Variants in NISCH observed in about 807,000 individuals in gnomAD.
NISCH encodes the protein nischarin.
In NISCH, 55 loss-of-function variants were observed where a neutral mutation model predicts 138.4. The ratio of observed to expected loss-of-function variants is 0.40; its 90% CI spans 0.32 to 0.50. The LOEUF (loss-of-function observed/expected upper bound fraction) is 0.50. Among genes scored for constraint, NISCH ranks in the 20% least tolerant of loss-of-function variants. The pLI is 0.71. For synonymous variants in NISCH, 860 were observed against 861.5 expected (o/e 1.00, Z 0.03); for missense variants, 1,643 against 2,005.5 (o/e 0.82, Z 3.45).
chr3:52,473,205 G>A (rs991469305), intron 6 of NISCH, among the ~76,000 whole-genome samples: 1 of 152,230 alleles, frequency 6.6e-6, no homozygotes, highest in African/African-American at 2.4e-5. Context: ...TGCCGATTGA[G>A]GACAGGGAAG....
At position 52,468,669 on chromosome 3, in the gene NISCH, T is replaced by G. The variant is rs545833320; in HGVS notation, c.361-2190T>G. On this transcript the variant is annotated intron_variant, in intron 3 of 20. Transcript: ENST00000345716. ...CCTGCCGTGCCCCTCTCCTTGCCCT[T>G]TTCCATTCGGCCCTGCACCCTGCCG... Among the ~76,000 whole-genome samples, 9 of 152,206 alleles carry G rather than the reference T, an allele frequency of 5.9e-5. No homozygotes were observed. In the South Asian group the frequency reaches 1.7e-3, roughly 28 times the overall value.
rs939424929 is a variant in NISCH, at chr3:52,490,832, G to T, written c.3741G>T (p.Thr1247=). 1 of 1,613,946 alleles carries T rather than the reference G, an allele frequency of 6.2e-7. No homozygotes were observed. The highest frequency in any genetic ancestry group is 1.3e-5 in the African/African-American group (1 of 74,932). The change falls in exon 19 of 21, where the codon ACG becomes ACT. Residue 1247 remains threonine (T), a splice_region_variant and synonymous_variant. Coordinates refer to ENST00000345716, the MANE Select transcript of NISCH (RefSeq NM_007184.4). ...VGLFDQHFRL[T]GSTPMQVVTC... is the part of the protein sequence containing the mutation. ...TTTTCGACCAGCATTTCCGGCTGAC[G>T]GGTGGGTGACCCTCTGTGCTTTGTC...
chr3:52,463,399 ATGC>A (rs1706689835), intron 3 of NISCH, among the ~76,000 whole-genome samples: 1 of 152,230 alleles, frequency 6.6e-6, no homozygotes, highest in Admixed American at 6.5e-5. Context: ...ATTGCAAATG[ATGC>A]TGCTATGAGC....
chr3:52,456,290 A>G (rs1706467480), intron 1 of NISCH, among the ~76,000 whole-genome samples: 1 of 151,990 alleles, frequency 6.6e-6, no homozygotes, highest in Non-Finnish European at 1.5e-5. Flanking sequence ...TCGGGCGGAG[A>G]CAAGACCGGA....
At chr3:52,481,315 CA>C in intron 13 of NISCH, 4 of 1,013,442 alleles carry the variant, frequency 3.9e-6, no homozygotes, top group Non-Finnish European at 3.5e-6. Flanking sequence ...CAAGTTAAGG[CA>C]AAAGGCCCAA....
intron 10 of NISCH, 57 bp downstream of exon 10, chr3:52,478,339 A>C: frequency 6.2e-7 from 1 of 1,606,878 alleles, no homozygotes; most frequent in Non-Finnish European, 8.5e-7. Context: ...GTATCATGTT[A>C]AAGAAGAATG....
chr3:52,491,214 CATG>C, intron 19 of NISCH, 135 bp from the exon 20 acceptor site: 1 of 1,349,548 alleles, frequency 7.4e-7, no homozygotes, highest in Non-Finnish European at 9.8e-7. Flanking sequence ...TCCCGGGCCC[CATG>C]ATTCTTTCCT....
At position 52,493,033 on chromosome 3, in the gene NISCH, A is replaced by G. The variant is rs1707615702; in HGVS notation, c.*551A>G. Reference sequence around the variant, plus strand: ...ACCAAGCGTGATTCCTGCTGCCTGTATTCTCTATTCCAATAAAGCAGAGTT... The same window carrying G: ...ACCAAGCGTGATTCCTGCTGCCTGTGTTCTCTATTCCAATAAAGCAGAGTT... On this transcript the variant is annotated 3_prime_UTR_variant, in exon 21 of 21. Transcript: ENST00000345716. 6.3e-6 allele frequency: 1 copy of G among 157,796 alleles called. No homozygotes were observed. Among genetic ancestry groups the G allele is most frequent in the Non-Finnish European group, 1.4e-5 (1 of 71,424 alleles). The allele number at this position is 157,796 out of a possible 1,614,324, so 9.8% of individuals were successfully genotyped here.
Position 52,480,539 on chromosome 3 carries a change from TAGGAGACCGCAGGGTGTCTGAC to T in NISCH, c.1528+248_1528+269del, listed in dbSNP as rs1368766748. 2.0e-6 allele frequency: 3 copies of T among 1,483,264 alleles called. No homozygotes were observed. The South Asian group carries it at 4.0e-5, about 20-fold the overall frequency. 91.9% of individuals were successfully genotyped at this position (1,483,264 alleles called of 1,614,324 possible). A position where few individuals can be genotyped will look rare whatever the true frequency, so the allele number is the denominator to read the frequency against. ...CTCTGATGCCCACATCCAGCTCCTC[TAGGAGACCGCAGGGTGTCTGAC>T]AGGCCCTGAGGCTGCCCTCTGAACA... On this transcript the variant is annotated intron_variant, in intron 13 of 20. Transcript: ENST00000345716.
chr3:52,479,983 G>A, intron 12 of NISCH, 121 bp downstream of exon 12: 1 of 979,684 alleles, frequency 1.0e-6, no homozygotes, highest in Non-Finnish European at 1.5e-6. Flanking sequence ...GCCCCTCCCT[G>A]GCTGCATGAC....
chr3:52,478,096 G>T lies in NISCH; in HGVS notation c.988-1G>T. On this transcript the variant is annotated splice_acceptor_variant, in intron 9 of 20. Transcript: ENST00000345716. LOFTEE classifies it high-confidence loss of function. The stretch of plus-strand genomic sequence containing the variant: ...TTACGCTGTTCTCCACGCCGCTGCA[G>T]CACCTGTATAACCTTGTGCATCTGG... 1.2e-6 allele frequency: 2 copies of T among 1,613,558 alleles called. No homozygotes were observed. The highest frequency in any genetic ancestry group is 1.7e-6 in the Non-Finnish European group (2 of 1,179,874).
intron 3 of NISCH, among the ~76,000 whole-genome samples, chr3:52,463,869 G>A (rs1009430194): frequency 1.6e-4 from 24 of 151,284 alleles, no homozygotes; most frequent in East Asian, 7.9e-4. Context: ...GACTACAGGC[G>A]TGCACCACCA....
rs1707361910 is a variant in NISCH, at chr3:52,484,623, A to G, written c.1639A>G (p.Ile547Val). 4 of 1,613,972 alleles carry G rather than the reference A, an allele frequency of 2.5e-6. No homozygotes were observed. Among genetic ancestry groups the G allele is most frequent in the East Asian group, 4.5e-5 (2 of 44,880 alleles). The change falls in exon 14 of 21, where the codon ATC becomes GTC. Residue 547 changes from isoleucine to valine, a missense_variant. Transcript: ENST00000345716. ...AQGCSDSLES[I>V]PAGQAASDDL... is the part of the protein sequence containing the mutation. ...GGGATGTTCTGATTCCTTGGAGTCC[A>G]TCCCTGCGGGACAGGTAATGCCCTC...
intron 3 of NISCH, among the ~76,000 whole-genome samples, chr3:52,468,124 T>G (rs1278655642): frequency 1.3e-5 from 2 of 152,122 alleles, no homozygotes; most frequent in African/African-American, 4.8e-5. Context: ...CCGGGTGTGG[T>G]GGTGCAGGCC....
chr3:52,472,254 G>C (rs780786069), intron 5 of NISCH, 49 bp from the exon 6 acceptor site: 1 of 1,534,214 alleles, frequency 6.5e-7, no homozygotes, highest in Non-Finnish European at 9.0e-7. Context: ...AGCACTCCCC[G>C]ATGGGCATGC....
intron 11 of NISCH, among the ~76,000 whole-genome samples, chr3:52,479,260 C>T (rs527769214): frequency 2.6e-5 from 4 of 152,260 alleles, no homozygotes; most frequent in Non-Finnish European, 4.4e-5. Context: ...CCCTACCCAA[C>T]CCCCCACTGC....
At chr3:52,470,577 C>G in intron 3 of NISCH, 2 of 495,008 alleles carry the variant, frequency 4.0e-6, no homozygotes, top group South Asian at 2.7e-5. Context: ...GCTCTGCTGG[C>G]CTCCTGGGCT....
chr3:52,480,820 G>A, intron 13 of NISCH: 3 of 1,517,824 alleles, frequency 2.0e-6, no homozygotes, highest in Admixed American at 2.0e-5. Context: ...TGGAAGACCA[G>A]GCCCATTCGT....
At chr3:52,480,648 C>A in intron 13 of NISCH, 1 of 1,424,266 alleles carries the variant, frequency 7.0e-7, no homozygotes, top group Non-Finnish European at 9.1e-7. Flanking sequence ...AGGTTGGCTC[C>A]TGGTTACAGG....
Sources: allele counts gnomAD v4.1 joint callset (sites outside exome capture counted in the v4.1 genomes callset), GRCh38; gene constraint gnomAD v4.1.1; transcripts MANE v1.5; gene names NCBI Gene and HGNC (gene_info 2026-07-23, HGNC 2026-07-21).